EIF3J: variants seen among roughly 807,000 people sequenced by gnomAD.
EIF3J encodes eukaryotic translation initiation factor 3 subunit J.
In EIF3J, 15 loss-of-function variants were observed where a neutral mutation model predicts 39.0. The ratio of observed to expected loss-of-function variants is 0.38; its 90% CI spans 0.26 to 0.59. The LOEUF (loss-of-function observed/expected upper bound fraction) is 0.59, where lower values mean the gene tolerates loss of function less well. EIF3J is among the 20% of genes least tolerant of loss of function. The pLI, the probability that EIF3J is intolerant of heterozygous loss-of-function variation, is 0.60. For synonymous variants in EIF3J, 98 were observed against 112.9 expected, an observed-to-expected ratio of 0.87 and a Z score of 0.84; for missense variants, 226 against 308.6, an observed-to-expected ratio of 0.73 and a Z score of 2.00.
At position 44,562,506 on chromosome 15, in the gene EIF3J, C is replaced by T. The variant is rs1404578830; in HGVS notation, c.*1357C>T. Reference sequence around the variant, plus strand: ...AGAACAAAAAATGTTTTAAATTTCTCTTATATAGGAAATAATAGGAACGTC... The same window carrying T: ...AGAACAAAAAATGTTTTAAATTTCTTTTATATAGGAAATAATAGGAACGTC... On this transcript the variant is annotated 3_prime_UTR_variant, in exon 8 of 8. Transcript: ENST00000261868. The T allele has an allele frequency of 6.6e-6, 1 of 152,484 alleles. No homozygotes were observed. Among genetic ancestry groups the T allele is most frequent in the Admixed American group, 6.6e-5 (1 of 15,262 alleles). 9.4% of individuals were successfully genotyped at this position (152,484 alleles called of 1,614,324 possible).
intron 2 of EIF3J, among the ~76,000 whole-genome samples, chr15:44,540,267 ATT>A (rs71111863): frequency 0.13 from 7,859 of 59,902 alleles, 193 homozygotes; most frequent in African/African-American, 0.21. Context: ...ATATATATAT[ATT>A]TTTTTTTTTT....
chr15:44,547,738 C>T (rs985863504), intron 2 of EIF3J, among the ~76,000 whole-genome samples: 1 of 151,712 alleles, frequency 6.6e-6, no homozygotes, highest in Non-Finnish European at 1.5e-5. Context: ...ATGAGCCACG[C>T]ACCCGGCCTG....
At chr15:44,542,771 G>C (rs1444158786) in intron 2 of EIF3J, among the ~76,000 whole-genome samples, 1 of 152,208 alleles carries the variant, frequency 6.6e-6, no homozygotes, top group Non-Finnish European at 1.5e-5. Context: ...TAAGCAAGTA[G>C]TTTATAAACA....
intron 2 of EIF3J, among the ~76,000 whole-genome samples, chr15:44,548,665 G>A (rs1285546883): frequency 6.6e-6 from 1 of 152,198 alleles, no homozygotes; most frequent in Admixed American, 6.5e-5. Flanking sequence ...GGCATCTGGC[G>A]AGGGCCTTCT....
intron 6 of EIF3J, chr15:44,558,607 T>C (rs1437996334): frequency 6.6e-6 from 1 of 152,136 alleles, no homozygotes; most frequent in Non-Finnish European, 1.5e-5. Context: ...CCCGGCTAAT[T>C]TTTTGTATTT....
At chr15:44,541,147 A>G (rs1418708469) in intron 2 of EIF3J, among the ~76,000 whole-genome samples, 2 of 152,126 alleles carry the variant, frequency 1.3e-5, no homozygotes, top group African/African-American at 2.4e-5. Context: ...TACTATCCTG[A>G]TAGTTGTGCA....
chr15:44,559,960 A>C (rs957563304), intron 6 of EIF3J, among the ~76,000 whole-genome samples: 9 of 152,170 alleles, frequency 5.9e-5, no homozygotes, highest in African/African-American at 2.2e-4. Context: ...TGTGTTGCCC[A>C]AGCTGGTCTC....
intron 3 of EIF3J, 124 bp from the exon 4 acceptor site, chr15:44,551,307 G>A: frequency 1.5e-6 from 1 of 678,474 alleles, no homozygotes; most frequent in Non-Finnish European, 2.4e-6. Flanking sequence ...TTATTTGTGA[G>A]AAAAATCACT....
Position 44,562,327 on chromosome 15 carries a change from T to A in EIF3J, c.*1178T>A, listed in dbSNP as rs527880357. On this transcript the variant is annotated 3_prime_UTR_variant, in exon 8 of 8. Transcript: ENST00000261868. ...TATTTAGATACCAAGGCCTAATTAA[T>A]TAAGTACCTATAAGAACTATTTATT... 1 of 152,754 alleles carries A rather than the reference T, an allele frequency of 6.5e-6. No homozygotes were observed. Among genetic ancestry groups the A allele is most frequent in the African/African-American group, 2.4e-5 (1 of 41,590 alleles). 9.5% of individuals were successfully genotyped at this position (152,754 alleles called of 1,614,324 possible).
chr15:44,544,344 C>G (rs2082036318), intron 2 of EIF3J, among the ~76,000 whole-genome samples: 1 of 151,460 alleles, frequency 6.6e-6, no homozygotes, highest in African/African-American at 2.4e-5. Flanking sequence ...GTATTCCACC[C>G]ACCTTGGCCT....
chr15:44,556,049 T>G (rs2082141897), intron 5 of EIF3J, among the ~76,000 whole-genome samples: 1 of 152,028 alleles, frequency 6.6e-6, no homozygotes, highest in Non-Finnish European at 1.5e-5. Flanking sequence ...GCTTTTTTTG[T>G]AGATACAAGG....
At chr15:44,547,450 T>A (rs2082063783) in intron 2 of EIF3J, among the ~76,000 whole-genome samples, 2 of 143,338 alleles carry the variant, frequency 1.4e-5, no homozygotes, top group Non-Finnish European at 3.0e-5. Context: ...CTTTTTTTTT[T>A]TTTTTTTTTT....
chr15:44,562,407 A>G lies in EIF3J; in HGVS notation c.*1258A>G, dbSNP rs550125864. The G allele has an allele frequency of 6.5e-6, 1 of 152,738 alleles. No homozygotes were observed. Among genetic ancestry groups the G allele is most frequent in the South Asian group, 2.1e-4 (1 of 4,828 alleles). The allele number at this position is 152,738 out of a possible 1,614,324, so 9.5% of individuals were successfully genotyped here. ...ATGGCTGTTAAGTATAGATTGGGGA[A>G]TCTTTATTATGTCTTCTCCTAAGCA... is the stretch of plus-strand genomic sequence containing the variant. On this transcript the variant is annotated 3_prime_UTR_variant, in exon 8 of 8. Coordinates refer to ENST00000261868, the MANE Select transcript of EIF3J (RefSeq NM_003758.4).
intron 2 of EIF3J, among the ~76,000 whole-genome samples, chr15:44,549,948 C>T (rs578156614): frequency 1.0e-4 from 15 of 149,084 alleles, no homozygotes; most frequent in African/African-American, 3.2e-4. Context: ...CAAGAAACTC[C>T]GTCTCAAAAA....
At chr15:44,552,262 T>C (rs998795932) in intron 4 of EIF3J, among the ~76,000 whole-genome samples, 15 of 152,140 alleles carry the variant, frequency 9.9e-5, no homozygotes, top group Non-Finnish European at 2.1e-4. Context: ...TTTGTTTTTG[T>C]TTTTAGACAG....
At chr15:44,557,238 C>T (rs1376022823) in intron 5 of EIF3J, among the ~76,000 whole-genome samples, 3 of 151,974 alleles carry the variant, frequency 2.0e-5, no homozygotes, top group Admixed American at 6.6e-5. Context: ...GATTTGTTGC[C>T]AGTCAATTGA....
Position 44,561,201 on chromosome 15 carries a change from A to T in EIF3J, c.*52A>T. 6.4e-7 allele frequency: 1 copy of T among 1,565,578 alleles called. No individual in the cohort carries two copies. The highest frequency in any genetic ancestry group is 8.6e-7 in the Non-Finnish European group (1 of 1,156,680). ...TTATGTTGCCCACAATCCCTTGAAC[A>T]TGTAGCACAACTTCCTTTCCTTTCA... On this transcript the variant is annotated 3_prime_UTR_variant, in exon 8 of 8. Coordinates refer to ENST00000261868, the MANE Select transcript of EIF3J (RefSeq NM_003758.4).
intron 3 of EIF3J, 90 bp downstream of exon 3, chr15:44,551,020 A>G: frequency 1.3e-6 from 2 of 1,495,486 alleles, no homozygotes; most frequent in South Asian, 1.4e-5. Flanking sequence ...CGCTCACAAA[A>G]TGGAACATTT....
intron 2 of EIF3J, among the ~76,000 whole-genome samples, chr15:44,539,571 T>C (rs1232646003): frequency 1.3e-5 from 2 of 151,342 alleles, no homozygotes; most frequent in Non-Finnish European, 2.9e-5. Context: ...CGGCTAATTT[T>C]TTCTATTTTT....
Sources: allele counts gnomAD v4.1 joint callset (sites outside exome capture counted in the v4.1 genomes callset), GRCh38; gene constraint gnomAD v4.1.1; transcripts MANE v1.5; gene names NCBI Gene and HGNC (gene_info 2026-07-23, HGNC 2026-07-21).